Variants in ZFAT observed in about 807,000 individuals in gnomAD.
The protein encoded by ZFAT is zinc finger and AT-hook domain containing.
ZFAT carries 64 observed loss-of-function variants against 117.7 expected under a neutral mutation model. The observed-to-expected ratio is 0.54, with a 90% confidence interval of 0.44 to 0.67. ZFAT has a LOEUF of 0.67. ZFAT is among the 30% of genes least tolerant of loss of function. ZFAT has a pLI of 0.00. For synonymous variants in ZFAT, 679 were observed against 615.0 expected (o/e 1.10, Z -1.54); for missense variants, 1,433 against 1,584.5 (o/e 0.90, Z 1.62).
At chr8:134,753,264 G>GT in the ZFAT span, among the ~76,000 whole-genome samples, 46,657 of 138,686 alleles carry the variant, frequency 0.34, 7,357 homozygotes, top group South Asian at 0.37. Context: ...TATCTATTTT[G>GT]GGGGGGCAGA....
Position 134,478,439 on chromosome 8 carries a change from G to A in ZFAT, c.*43C>T. The stretch of plus-strand genomic sequence containing the variant: ...CCTCCCCACCCTGGGTGCCTGCAGA[G>A]CCTGGCAGCCCCGCCCTGTGGCCAT... On this transcript the variant is annotated 3_prime_UTR_variant, in exon 16 of 16. Transcript: ENST00000377838. The surrounding 1 kb of genome is among the most constrained non-coding windows in gnomAD (Gnocchi z 5.2). 1 of 1,536,150 alleles carries A rather than the reference G, an allele frequency of 6.5e-7. No individual in the cohort carries two copies. The highest frequency in any genetic ancestry group is 1.4e-5 in the African/African-American group (1 of 72,920).
the ZFAT span, chr8:134,723,597 C>T: frequency 2.6e-5 from 4 of 152,594 alleles, no homozygotes; most frequent in East Asian, 3.9e-4. Flanking sequence ...GACCGTACTC[C>T]GCTCCTGCCC....
the ZFAT span, among the ~76,000 whole-genome samples, chr8:134,734,098 C>T: frequency 9.9e-5 from 15 of 152,212 alleles, no homozygotes; most frequent in African/African-American, 1.9e-4. Context: ...TTTGCCATGA[C>T]GCTGCTGTTA....
chr8:134,663,047 A>G (rs762404278), intron 1 of ZFAT, among the ~76,000 whole-genome samples: 3 of 152,260 alleles, frequency 2.0e-5, no homozygotes, highest in Non-Finnish European at 2.9e-5. Flanking sequence ...GAATACTGCC[A>G]TGGCAAAGGG....
intron 15 of ZFAT, among the ~76,000 whole-genome samples, chr8:134,497,385 G>C (rs1818533543): frequency 6.6e-6 from 1 of 152,192 alleles, no homozygotes; most frequent in Non-Finnish European, 1.5e-5. Context: ...AAATTCTAAT[G>C]TGCAGGATGC....
chr8:134,482,262 G>C (rs994354896), intron 15 of ZFAT, among the ~76,000 whole-genome samples: 1 of 152,160 alleles, frequency 6.6e-6, no homozygotes. Flanking sequence ...AGTGGGAGGC[G>C]TTTAGGGATG....
intron 3 of ZFAT, among the ~76,000 whole-genome samples, chr8:134,627,205 C>T (rs567724255): frequency 1.8e-4 from 28 of 152,226 alleles, no homozygotes; most frequent in African/African-American, 6.7e-4. Context: ...GGAGTGCGGG[C>T]TTATAGGGAG....
At chr8:134,627,540 A>G (rs201032264) in intron 3 of ZFAT, among the ~76,000 whole-genome samples, 2 of 152,232 alleles carry the variant, frequency 1.3e-5, no homozygotes, top group East Asian at 1.9e-4. Context: ...TCAGAAATGC[A>G]TGGGAGCAAG....
intron 3 of ZFAT, among the ~76,000 whole-genome samples, chr8:134,618,963 C>T (rs1828925239): frequency 6.6e-6 from 1 of 152,140 alleles, no homozygotes; most frequent in Admixed American, 6.6e-5. Context: ...AATAACTAAA[C>T]CACACAGCAC....
At chr8:134,614,864 C>T (rs749278488) in intron 3 of ZFAT, among the ~76,000 whole-genome samples, 2 of 152,190 alleles carry the variant, frequency 1.3e-5, no homozygotes, top group Admixed American at 6.5e-5. Flanking sequence ...CATGGGAAGT[C>T]AGACCAAACA....
the ZFAT span, among the ~76,000 whole-genome samples, chr8:134,782,319 T>C: frequency 6.6e-6 from 1 of 152,228 alleles, no homozygotes; most frequent in Non-Finnish European, 1.5e-5. Context: ...TATATCTTTA[T>C]TCCTTTATAT....
chr8:134,576,109 A>G (rs1825277998), intron 10 of ZFAT, among the ~76,000 whole-genome samples: 1 of 152,218 alleles, frequency 6.6e-6, no homozygotes, highest in Non-Finnish European at 1.5e-5. Flanking sequence ...AGTTACAGAC[A>G]CTGTGCCAGA....
At chr8:134,550,044 T>C (rs1482793308) in intron 11 of ZFAT, among the ~76,000 whole-genome samples, 1 of 152,240 alleles carries the variant, frequency 6.6e-6, no homozygotes, top group Non-Finnish European at 1.5e-5. Context: ...ATGTTGATGT[T>C]TACGGGATAT....
chr8:134,647,209 G>T lies in ZFAT; in HGVS notation c.197-9497C>A, dbSNP rs577475325. ...GTGTTATCTCTAAGATGCAAGGCTG[G>T]TTCAACATATGTGTATAAATAAATG... On this transcript the variant is annotated intron_variant, in intron 2 of 15. Coordinates refer to ENST00000377838, the MANE Select transcript of ZFAT (RefSeq NM_020863.4). 3.9e-5 allele frequency among the ~76,000 whole-genome samples: 6 copies of T among 152,190 alleles called. No individual in the cohort carries two copies. The East Asian group carries it at 1.2e-3, about 29-fold the overall frequency.
intron 15 of ZFAT, among the ~76,000 whole-genome samples, chr8:134,497,449 T>G (rs376640975): frequency 3.7e-3 from 367 of 99,134 alleles, no homozygotes; most frequent in East Asian, 7.5e-3. Flanking sequence ...GGTGGAGCCG[T>G]GATGCCCCTG....
the ZFAT span, among the ~76,000 whole-genome samples, chr8:134,779,684 T>G: frequency 1.3e-5 from 2 of 152,164 alleles, no homozygotes; most frequent in African/African-American, 4.8e-5. Flanking sequence ...GTATCTATCT[T>G]AAAAACCTTT....
intron 15 of ZFAT, among the ~76,000 whole-genome samples, chr8:134,486,676 G>A (rs555157147): frequency 2.0e-5 from 3 of 152,158 alleles, no homozygotes; most frequent in South Asian, 2.1e-4. Flanking sequence ...CCAGCCTTCC[G>A]TGTTTCAGGG....
chr8:134,677,653 A>G lies in ZFAT; in HGVS notation c.20-19916T>C, dbSNP rs60879351. 6.4e-3 allele frequency among the ~76,000 whole-genome samples: 979 copies of G among 152,298 alleles called. 10 individuals carry two copies. The highest frequency in any genetic ancestry group is 0.022 in the African/African-American group (915 of 41,584). On this transcript the variant is annotated intron_variant, in intron 1 of 15. Coordinates refer to ENST00000377838, the MANE Select transcript of ZFAT (RefSeq NM_020863.4). The stretch of plus-strand genomic sequence containing the variant: ...GAGACAAAATAAAAAATAAAAAAAT[A>G]AAAATTTAGGCCAATATCCTGATGA...
At chr8:134,784,580 C>T in the ZFAT span, 2 of 151,914 alleles carry the variant, frequency 1.3e-5, no homozygotes, top group South Asian at 4.2e-4. Context: ...AAGAAATATT[C>T]GAGTATCATA....
Sources: gnomAD v4.1 joint callset for allele counts (sites outside exome capture counted in the v4.1 genomes callset) on GRCh38, gnomAD v4.1.1 for gene constraint, Gnocchi (gnomAD v3.1) non-coding constraint, MANE v1.5 for transcripts, NCBI Gene and HGNC (gene_info 2026-07-23, HGNC 2026-07-21) for gene names.